Variants in NELL1 observed in about 807,000 individuals in gnomAD.
The protein encoded by NELL1 is neural EGFL like 1.
A neutral mutation model predicts 107.4 loss-of-function variants in NELL1; 76 were observed. The ratio of observed to expected loss-of-function variants is 0.71; its 90% CI spans 0.59 to 0.86. NELL1 has a LOEUF of 0.86. Ranked by LOEUF, NELL1 falls within the 40% of genes least tolerant of loss-of-function variation. NELL1 has a pLI of 0.00. For synonymous variants in NELL1, 353 were observed against 341.2 expected (o/e 1.03, Z -0.38); for missense variants, 1,024 against 1,005.5 (o/e 1.02, Z -0.25).
chr11:21,011,178 A>C (rs1316129091), intron 12 of NELL1, among the ~76,000 whole-genome samples: 1 of 152,110 alleles, frequency 6.6e-6, no homozygotes, highest in Non-Finnish European at 1.5e-5. Context: ...AATCTAATCA[A>C]ATGCAGAAAT....
intron 15 of NELL1, among the ~76,000 whole-genome samples, chr11:21,404,007 C>CA (rs202175981): frequency 0.017 from 1,597 of 96,454 alleles, 31 homozygotes; most frequent in Non-Finnish European, 0.024. Flanking sequence ...ATTCCTGAAC[C>CA]CCCCCCCCCG....
intron 14 of NELL1, among the ~76,000 whole-genome samples, chr11:21,362,302 G>A (rs2133739583): frequency 6.6e-6 from 1 of 152,266 alleles, no homozygotes; most frequent in Non-Finnish European, 1.5e-5. Context: ...CCATGCTCCA[G>A]GCTGGTGGTA....
chr11:20,751,057 A>G (rs923296427), intron 2 of NELL1, among the ~76,000 whole-genome samples: 64 of 152,024 alleles, frequency 4.2e-4, no homozygotes, highest in African/African-American at 1.3e-3. Flanking sequence ...GTGTGTGTGT[A>G]TATATGAATC....
intron 4 of NELL1, among the ~76,000 whole-genome samples, chr11:20,881,929 C>T (rs1849416402): frequency 1.3e-5 from 2 of 152,164 alleles, no homozygotes; most frequent in Non-Finnish European, 2.9e-5. Flanking sequence ...AAGGAAACCT[C>T]GTTAACCAGA....
At chr11:20,877,734 T>C (rs531933618) in intron 4 of NELL1, among the ~76,000 whole-genome samples, 3 of 152,332 alleles carry the variant, frequency 2.0e-5, no homozygotes, top group South Asian at 4.1e-4. Flanking sequence ...AAGCAGGTTT[T>C]ACATTTGACT....
chr11:21,513,458 T>C (rs1855488677), intron 15 of NELL1, among the ~76,000 whole-genome samples: 1 of 152,166 alleles, frequency 6.6e-6, no homozygotes, highest in Non-Finnish European at 1.5e-5. Flanking sequence ...CAGACTATAA[T>C]AACTATTATT....
intron 13 of NELL1, among the ~76,000 whole-genome samples, chr11:21,150,013 G>T (rs1014490061): frequency 2.6e-5 from 4 of 152,038 alleles, no homozygotes; most frequent in Admixed American, 2.6e-4. Flanking sequence ...TTGATATCTG[G>T]AGAACTGGAA....
At chr11:21,290,500 A>G (rs1159062289) in intron 14 of NELL1, among the ~76,000 whole-genome samples, 4 of 152,206 alleles carry the variant, frequency 2.6e-5, no homozygotes, top group African/African-American at 9.6e-5. Flanking sequence ...CTGCTAAGGG[A>G]CAGACTGCCT....
At chr11:21,119,129 C>T (rs915710267) in intron 13 of NELL1, among the ~76,000 whole-genome samples, 1 of 151,902 alleles carries the variant, frequency 6.6e-6, no homozygotes, top group African/African-American at 2.4e-5. Flanking sequence ...ATATTGCTTG[C>T]CAAATCAATC....
At chr11:21,569,540 G>A (rs1591044740) in intron 17 of NELL1, among the ~76,000 whole-genome samples, 1 of 151,774 alleles carries the variant, frequency 6.6e-6, no homozygotes, top group African/African-American at 2.4e-5. Context: ...ACAGTGAAAG[G>A]ATTATAAATG....
chr11:20,899,046 C>G (rs1460935067), intron 5 of NELL1, among the ~76,000 whole-genome samples: 1 of 152,062 alleles, frequency 6.6e-6, no homozygotes, highest in African/African-American at 2.4e-5. Flanking sequence ...TGCCATCATA[C>G]TGAGTGATAT....
intron 3 of NELL1, among the ~76,000 whole-genome samples, chr11:20,829,527 G>C (rs539338518): frequency 3.3e-5 from 5 of 152,086 alleles, no homozygotes; most frequent in Non-Finnish European, 5.9e-5. Flanking sequence ...CACCTGGCCT[G>C]CTGCAGGACT....
intron 12 of NELL1, among the ~76,000 whole-genome samples, chr11:21,004,259 T>A (rs1400383): frequency 0.091 from 13,819 of 152,198 alleles, 2,092 homozygotes; most frequent in African/African-American, 0.31. Context: ...TGGCATGTAG[T>A]AGATGTTCAA....
intron 13 of NELL1, among the ~76,000 whole-genome samples, chr11:21,154,809 T>A (rs949536023): frequency 3.3e-5 from 5 of 151,958 alleles, no homozygotes; most frequent in African/African-American, 1.2e-4. Context: ...AAAAATTAAT[T>A]TGGGAAAAAT....
At chr11:21,526,326 T>C (rs1456153210) in intron 15 of NELL1, among the ~76,000 whole-genome samples, 1 of 152,228 alleles carries the variant, frequency 6.6e-6, no homozygotes, top group African/African-American at 2.4e-5. Flanking sequence ...ACTCCGCCAC[T>C]GTGGCTTTGC....
intron 14 of NELL1, among the ~76,000 whole-genome samples, chr11:21,345,847 A>G (rs942292819): frequency 3.3e-5 from 5 of 152,156 alleles, no homozygotes; most frequent in Non-Finnish European, 5.9e-5. Context: ...CTGCACGACC[A>G]GCAATAGGAA....
chr11:20,975,857 T>C (rs138602092), intron 12 of NELL1, among the ~76,000 whole-genome samples: 17,089 of 125,910 alleles, frequency 0.14, 1,827 homozygotes, highest in East Asian at 0.21. Context: ...TATATACATA[T>C]ATGTGTATTA....
chr11:20,985,514 A>G (rs1851834994), intron 12 of NELL1, among the ~76,000 whole-genome samples: 1 of 152,140 alleles, frequency 6.6e-6, no homozygotes, highest in Non-Finnish European at 1.5e-5. Flanking sequence ...ATAAATCATA[A>G]AGCTGTGTGA....
At chr11:20,737,938 G>A (rs1855799336) in intron 2 of NELL1, among the ~76,000 whole-genome samples, 1 of 150,112 alleles carries the variant, frequency 6.7e-6, no homozygotes, top group South Asian at 2.1e-4. Flanking sequence ...TTTGTTTAAT[G>A]TTATTCTTCC....
Sources: gnomAD v4.1 joint callset for allele counts (sites outside exome capture counted in the v4.1 genomes callset) on GRCh38, gnomAD v4.1.1 for gene constraint, MANE v1.5 for transcripts, NCBI Gene and HGNC (gene_info 2026-07-23, HGNC 2026-07-21) for gene names.